CSMD1: variants seen among roughly 807,000 people sequenced by gnomAD.
CSMD1 encodes the protein CUB and sushi domain-containing protein 1.
In CSMD1, 213 loss-of-function variants were observed where a neutral mutation model predicts 417.5. That is an observed-to-expected ratio of 0.51 (90% CI 0.46 to 0.57). CSMD1 has a LOEUF of 0.57. Among genes scored for constraint, CSMD1 ranks in the 20% least tolerant of loss-of-function variants. The probability of loss-of-function intolerance (pLI) is 0.00; values close to 1 mark genes in which losing one functional copy is unlikely to be tolerated. For missense variants in CSMD1, 6,923 were observed against 4,529.7 expected (o/e 1.53, Z -15.17); for synonymous variants, 2,862 against 1,736.8 (o/e 1.65, Z -16.11).
At chr8:3,379,981 T>G (rs1302263650) in intron 18 of CSMD1, among the ~76,000 whole-genome samples, 14 of 152,292 alleles carry the variant, frequency 9.2e-5, no homozygotes, top group African/African-American at 3.4e-4. Context: ...AGAAAAATTT[T>G]GCAATCTATC....
chr8:4,448,808 C>G (rs1217655), intron 2 of CSMD1, among the ~76,000 whole-genome samples: 12,744 of 152,108 alleles, frequency 0.084, 648 homozygotes, highest in Non-Finnish European at 0.1. Flanking sequence ...GAGACAGAAA[C>G]CTAATTCTGG....
chr8:4,300,641 G>C (rs532072123), intron 3 of CSMD1, among the ~76,000 whole-genome samples: 1 of 152,076 alleles, frequency 6.6e-6, no homozygotes, highest in Non-Finnish European at 1.5e-5. Context: ...CCATTAACTC[G>C]TCATTTAGCA....
At chr8:3,528,398 C>T (rs1191970019) in intron 10 of CSMD1, among the ~76,000 whole-genome samples, 1 of 152,154 alleles carries the variant, frequency 6.6e-6, no homozygotes, top group African/African-American at 2.4e-5. Flanking sequence ...TGTCTTAGCA[C>T]TCGTGGGGGA....
At chr8:3,454,646 T>G (rs923709675) in intron 12 of CSMD1, among the ~76,000 whole-genome samples, 4 of 152,192 alleles carry the variant, frequency 2.6e-5, no homozygotes, top group Admixed American at 2.0e-4. Flanking sequence ...TGGCCCCCAC[T>G]CTCTTCTGGC....
At chr8:4,550,774 T>G (rs965360106) in intron 2 of CSMD1, among the ~76,000 whole-genome samples, 3 of 152,164 alleles carry the variant, frequency 2.0e-5, no homozygotes, top group African/African-American at 7.2e-5. Flanking sequence ...CGGAGGCAGT[T>G]TAATCATCTT....
intron 3 of CSMD1, among the ~76,000 whole-genome samples, chr8:4,034,240 G>C (rs1020121513): frequency 2.7e-5 from 3 of 111,444 alleles, no homozygotes; most frequent in Admixed American, 1.3e-4. Context: ...AGTACAAACA[G>C]AACTATATAG....
At chr8:4,884,603 G>C (rs1331608369) in intron 1 of CSMD1, among the ~76,000 whole-genome samples, 1 of 151,940 alleles carries the variant, frequency 6.6e-6, no homozygotes, top group Non-Finnish European at 1.5e-5. Flanking sequence ...ATATCTAGTT[G>C]TTCTAGCATA....
intron 3 of CSMD1, among the ~76,000 whole-genome samples, chr8:4,107,827 C>G (rs566225806): frequency 2.0e-5 from 3 of 152,148 alleles, no homozygotes; most frequent in Non-Finnish European, 4.4e-5. Flanking sequence ...TTTATAAGAA[C>G]GAAGAGACAG....
intron 3 of CSMD1, among the ~76,000 whole-genome samples, chr8:4,243,063 G>C (rs1040388659): frequency 5.3e-5 from 8 of 152,120 alleles, no homozygotes; most frequent in African/African-American, 1.7e-4. Flanking sequence ...GTCAGGGGTA[G>C]TTTTTTCCTT....
At chr8:3,077,793 T>C (rs1813794826) in intron 49 of CSMD1, among the ~76,000 whole-genome samples, 1 of 152,236 alleles carries the variant, frequency 6.6e-6, no homozygotes, top group Non-Finnish European at 1.5e-5. Context: ...AGGCTGCCGC[T>C]GTGCCTCTTC....
intron 15 of CSMD1, among the ~76,000 whole-genome samples, chr8:3,401,130 T>G (rs1812014972): frequency 6.6e-6 from 1 of 151,908 alleles, no homozygotes; most frequent in Admixed American, 6.6e-5. Flanking sequence ...TTAAATATGT[T>G]AAATATATAA....
chr8:4,201,690 C>A (rs1700097), intron 3 of CSMD1, among the ~76,000 whole-genome samples: 152,001 of 152,198 alleles, frequency 1, 75,903 homozygotes, highest in Middle Eastern at 1. Context: ...AGTGTTATAC[C>A]TATGTGAGAA....
chr8:4,674,592 G>A (rs553731097), intron 1 of CSMD1, among the ~76,000 whole-genome samples: 3 of 152,154 alleles, frequency 2.0e-5, no homozygotes, highest in Non-Finnish European at 4.4e-5. Context: ...GGTACTTGAA[G>A]CTTTGGTGCA....
At chr8:3,993,736 G>A (rs113151899) in intron 5 of CSMD1, among the ~76,000 whole-genome samples, 39 of 152,276 alleles carry the variant, frequency 2.6e-4, no homozygotes, top group African/African-American at 7.7e-4. Context: ...AATCCAAAGC[G>A]GAAGAAATGT....
rs76766580 is a variant in CSMD1 at position 4,467,406 on chromosome 8, C to T, written c.303-47341G>A. Reference sequence around the variant, plus strand: ...TTCCCTGCTCATCTCCTCCATTTTTCTCTTTTTCCGTCTTAGACTACCAAG... The same window carrying T: ...TTCCCTGCTCATCTCCTCCATTTTTTTCTTTTTCCGTCTTAGACTACCAAG... On this transcript the variant is annotated intron_variant, in intron 2 of 69. Coordinates refer to ENST00000635120, the MANE Select transcript of CSMD1 (RefSeq NM_033225.6). Among the ~76,000 whole-genome samples the T allele has an allele frequency of 2.1e-3, 325 of 152,276 alleles. 10 individuals are homozygous for T. In the East Asian group the frequency reaches 0.054, roughly 25 times the overall value.
At chr8:3,664,825 T>G (rs139814482) in intron 7 of CSMD1, among the ~76,000 whole-genome samples, 1 of 152,190 alleles carries the variant, frequency 6.6e-6, no homozygotes, top group Admixed American at 6.5e-5. Context: ...AACATTAAAA[T>G]AGCTAAAAGT....
At chr8:4,042,538 G>C (rs13280776) in intron 3 of CSMD1, among the ~76,000 whole-genome samples, 11,971 of 151,976 alleles carry the variant, frequency 0.079, 637 homozygotes, top group Non-Finnish European at 0.12. Context: ...ATACCACAAG[G>C]AATATTAAAA....
At chr8:4,495,014 A>G (rs1801908329) in intron 2 of CSMD1, among the ~76,000 whole-genome samples, 2 of 152,084 alleles carry the variant, frequency 1.3e-5, no homozygotes, top group South Asian at 4.1e-4. Flanking sequence ...AAATAAATAA[A>G]AGCAACAAGA....
At chr8:4,530,975 C>A (rs1796789068) in intron 2 of CSMD1, among the ~76,000 whole-genome samples, 1 of 152,080 alleles carries the variant, frequency 6.6e-6, no homozygotes, top group African/African-American at 2.4e-5. Flanking sequence ...TACCCTCCGG[C>A]ACCAAGATGT....
Sources: gnomAD v4.1 joint callset for allele counts (sites outside exome capture counted in the v4.1 genomes callset) on GRCh38, gnomAD v4.1.1 for gene constraint, MANE v1.5 for transcripts, NCBI Gene and HGNC (gene_info 2026-07-23, HGNC 2026-07-21) for gene names.